Variants in FANCA observed in about 807,000 individuals in gnomAD.
The protein encoded by FANCA is Fanconi anemia group A protein.
FANCA carries 236 observed loss-of-function variants against 194.3 expected under a neutral mutation model. That is an observed-to-expected ratio of 1.21 (90% CI 1.09 to 1.35). The LOEUF (loss-of-function observed/expected upper bound fraction) is 1.35. Ranked by LOEUF, FANCA falls within the 40% of genes most tolerant of loss-of-function variation. FANCA has a pLI of 0.00. For synonymous variants in FANCA, 1,014 were observed against 715.8 expected (o/e 1.42, Z -6.65); for missense variants, 2,628 against 1,813.9 (o/e 1.45, Z -8.15).
chr16:89,788,788 T>C (rs2039977119), intron 14 of FANCA, among the ~76,000 whole-genome samples: 1 of 152,054 alleles, frequency 6.6e-6, no homozygotes, highest in East Asian at 1.9e-4. Flanking sequence ...CAACACTCAG[T>C]CTCTTAAAAG....
Position 89,738,335 on chromosome 16 carries a change from G to T in FANCA, c.*266C>A, listed in dbSNP as rs2062019614. 1.3e-6 allele frequency: 2 copies of T among 1,498,084 alleles called. No homozygotes were observed. The highest frequency in any genetic ancestry group is 8.9e-7 in the Non-Finnish European group (1 of 1,123,646). The allele number at this position is 1,498,084 out of a possible 1,614,324, so 92.8% of individuals were successfully genotyped here. A position where few individuals can be genotyped will look rare whatever the true frequency, so the allele number is the denominator to read the frequency against. On this transcript the variant is annotated 3_prime_UTR_variant, in exon 43 of 43. Coordinates refer to ENST00000389301, the MANE Select transcript of FANCA (RefSeq NM_000135.4). ...CCTTCGTGTGCACCCGCATGGGAGG[G>T]TCGGAGGGTGCTGCCCGCCCTTGGT...
chr16:89,754,037 C>A (rs1054386594), intron 30 of FANCA, among the ~76,000 whole-genome samples: 2 of 151,850 alleles, frequency 1.3e-5, no homozygotes, highest in African/African-American at 4.8e-5. Flanking sequence ...CTGGGACACA[C>A]AGCGACACTC....
chr16:89,763,805 C>T (rs992374336), intron 28 of FANCA, among the ~76,000 whole-genome samples: 8 of 151,732 alleles, frequency 5.3e-5, no homozygotes, highest in Admixed American at 6.6e-5. Flanking sequence ...TGGTGGTGCG[C>T]GCCTGTAGTC....
At chr16:89,797,190 G>A (rs761412512) in intron 10 of FANCA, among the ~76,000 whole-genome samples, 1 of 151,804 alleles carries the variant, frequency 6.6e-6, no homozygotes, top group Non-Finnish European at 1.5e-5. Flanking sequence ...AATTAGCCAG[G>A]CATGGTGGCA....
At chr16:89,757,092 C>G (rs1427087343) in intron 30 of FANCA, among the ~76,000 whole-genome samples, 2 of 152,202 alleles carry the variant, frequency 1.3e-5, no homozygotes, top group Non-Finnish European at 2.9e-5. Context: ...AATCCCACCT[C>G]AGCCTCACGA....
chr16:89,792,024 T>C lies in FANCA; in HGVS notation c.1128A>G (p.Gln376=). 6.2e-7 allele frequency: 1 copy of C among 1,614,184 alleles called. No homozygotes were observed. The highest frequency in any genetic ancestry group is 1.1e-5 in the South Asian group (1 of 91,088). ...LSAEELVGHL[Q]EVLETQEVHW... The stretch of plus-strand genomic sequence containing the variant: ...GAACCTCCTGCGTTTCCAGAACTTC[T>C]TGCAAATGGCCAACCAACTCCTCTG... Residue 376 remains glutamine, a synonymous_variant, in exon 13 of 43, where the codon CAA becomes CAG. Coordinates refer to ENST00000389301, the MANE Select transcript of FANCA (RefSeq NM_000135.4).
intron 28 of FANCA, among the ~76,000 whole-genome samples, chr16:89,764,653 C>A (rs546275655): frequency 6.6e-6 from 1 of 152,202 alleles, no homozygotes; most frequent in East Asian, 1.9e-4. Context: ...CGATTTTAGT[C>A]AAGATTCCAA....
In FANCA at chr16:89,749,831, G is replaced by C. The variant is rs150884376; in HGVS notation, c.3138C>G (p.His1046Gln). ...GTCTGCGGAAAATCTCAAAGAGGAA[G>C]TGCTCCTGGGAAGGGGTGTGGCCGA... Reference protein sequence around the residue: ...VPLGHTPSQEHFLFEIFRRRL... With the variant: ...VPLGHTPSQEQFLFEIFRRRL... The change falls in exon 32 of 43, where the codon CAC becomes CAG. Residue 1046 changes from histidine to glutamine, a missense_variant. His to Gln is a conservative substitution (Grantham distance 24). Transcript: ENST00000389301. The C allele has an allele frequency of 6.2e-7, 1 of 1,614,232 alleles. No homozygotes were observed. The highest frequency in any genetic ancestry group is 8.5e-7 in the Non-Finnish European group (1 of 1,180,038).
chr16:89,761,905 G>A, intron 29 of FANCA, 44 bp downstream of exon 29: 1 of 1,489,260 alleles, frequency 6.7e-7, no homozygotes, highest in East Asian at 2.3e-5. Flanking sequence ...GATTATAGGT[G>A]TGAGCCATCA....
intron 21 of FANCA, among the ~76,000 whole-genome samples, chr16:89,773,854 C>A (rs1416739459): frequency 6.6e-6 from 1 of 150,492 alleles, no homozygotes; most frequent in Non-Finnish European, 1.5e-5. Context: ...CTCACTGTAA[C>A]CTCCGCCTCC....
chr16:89,745,409 C>G (rs997521222), intron 35 of FANCA, among the ~76,000 whole-genome samples: 3 of 150,784 alleles, frequency 2.0e-5, no homozygotes, highest in African/African-American at 4.9e-5. Flanking sequence ...AGGGACCACA[C>G]TCCTCTGAGC....
In FANCA at chr16:89,738,078, T is replaced by C; in HGVS notation, c.*523A>G. 6.2e-7 allele frequency: 1 copy of C among 1,614,084 alleles called. No homozygotes were observed. On this transcript the variant is annotated 3_prime_UTR_variant, in exon 43 of 43. Transcript: ENST00000389301. ...AGCTGGACTTTGCCTGTGACCAGTGTGGCCGGCGGTTTGAGAAGGCCCACA... is the reference window on the plus strand; with the variant it reads ...AGCTGGACTTTGCCTGTGACCAGTGCGGCCGGCGGTTTGAGAAGGCCCACA...
intron 26 of FANCA, 137 bp from the exon 27 acceptor site, chr16:89,767,374 G>C (rs1267142797): frequency 4.3e-6 from 3 of 702,576 alleles, no homozygotes; most frequent in Admixed American, 4.2e-5. Flanking sequence ...TTCGTTTTTT[G>C]GTTCGTTTGT....
intron 17 of FANCA, among the ~76,000 whole-genome samples, chr16:89,781,756 T>C (rs1248666017): frequency 2.0e-5 from 3 of 151,268 alleles, no homozygotes; most frequent in Non-Finnish European, 4.4e-5. Context: ...TCCCAGCACT[T>C]TGAGAGGCCG....
chr16:89,786,180 G>A (rs1018303548), intron 14 of FANCA, among the ~76,000 whole-genome samples: 8 of 101,688 alleles, frequency 7.9e-5, no homozygotes, highest in Non-Finnish European at 1.3e-4. Context: ...CACCAAGCCC[G>A]GTTTTTTTTT....
At chr16:89,775,697 G>A in intron 21 of FANCA, 45 bp downstream of exon 21, 2 of 1,514,374 alleles carry the variant, frequency 1.3e-6, no homozygotes, top group South Asian at 1.2e-5. Flanking sequence ...TTAGGAAAAT[G>A]GAAAAGCACA....
chr16:89,740,757 T>C, intron 38 of FANCA, 47 bp downstream of exon 38: 4 of 1,563,130 alleles, frequency 2.6e-6, no homozygotes, highest in Middle Eastern at 1.7e-4. Context: ...TGCCCCTGCC[T>C]GGCCCACAGT....
chr16:89,799,113 T>C, intron 10 of FANCA, 53 bp downstream of exon 10: 1 of 1,614,112 alleles, frequency 6.2e-7, no homozygotes, highest in African/African-American at 1.3e-5. Context: ...GCTCTTTAAT[T>C]TGGCAGACAC....
intron 27 of FANCA, 138 bp downstream of exon 27, chr16:89,767,001 GCC>G (rs1443974587): frequency 8.1e-6 from 6 of 745,298 alleles, no homozygotes; most frequent in African/African-American, 5.2e-5. Context: ...CTCAGGAGCT[GCC>G]CCATGACAGC....
Sources: allele counts gnomAD v4.1 joint callset (sites outside exome capture counted in the v4.1 genomes callset), GRCh38; gene constraint gnomAD v4.1.1; transcripts MANE v1.5; gene names NCBI Gene and HGNC (gene_info 2026-07-23, HGNC 2026-07-21).